ABCA13: variants seen among roughly 807,000 people sequenced by gnomAD.
The protein encoded by ABCA13 is ATP-binding cassette sub-family A member 13.
ABCA13 carries 476 observed loss-of-function variants against 478.7 expected under a neutral mutation model. The ratio of observed to expected loss-of-function variants is 0.99; its 90% CI spans 0.92 to 1.07. ABCA13 has a LOEUF of 1.07. Among genes scored for constraint, ABCA13 ranks in the 50% least tolerant of loss-of-function variants. The pLI, the probability that ABCA13 is intolerant of heterozygous loss-of-function variation, is 0.00. For missense variants in ABCA13, 6,060 were observed against 5,910.6 expected (o/e 1.03, Z -0.83); for synonymous variants, 2,252 against 2,158.9 (o/e 1.04, Z -1.20).
At chr7:48,553,468 T>G (rs1267466258) in intron 55 of ABCA13, among the ~76,000 whole-genome samples, 1 of 152,020 alleles carries the variant, frequency 6.6e-6, no homozygotes, top group African/African-American at 2.4e-5. Flanking sequence ...CTCTCTAGCA[T>G]TTGTTGCTTG....
At chr7:48,293,192 G>GCCCCCCCCCCCCCCCCCCCCCC (rs367570188) in intron 20 of ABCA13, among the ~76,000 whole-genome samples, 1 of 108,280 alleles carries the variant, frequency 9.2e-6, no homozygotes, top group African/African-American at 3.0e-5. Context: ...GAAGTCTTCA[G>GCCCCCCCCCCCCCCCCCCCCCC]CCCCCCCCCC....
intron 58 of ABCA13, among the ~76,000 whole-genome samples, chr7:48,607,712 A>T (rs1392159151): frequency 6.6e-6 from 1 of 152,012 alleles, no homozygotes; most frequent in Non-Finnish European, 1.5e-5. Context: ...CATTTTAGAT[A>T]ATTGTAGCAG....
intron 43 of ABCA13, among the ~76,000 whole-genome samples, chr7:48,457,086 C>A (rs1825757429): frequency 6.6e-6 from 1 of 152,008 alleles, no homozygotes; most frequent in African/African-American, 2.4e-5. Flanking sequence ...ATAATTAGAA[C>A]AAACCAAAAC....
chr7:48,255,481 C>A (rs976560232), intron 15 of ABCA13, among the ~76,000 whole-genome samples: 1 of 152,098 alleles, frequency 6.6e-6, no homozygotes, highest in Non-Finnish European at 1.5e-5. Flanking sequence ...ATCTTTAGCT[C>A]CCAATTTCTA....
chr7:48,212,213 T>C (rs994102269), intron 3 of ABCA13, among the ~76,000 whole-genome samples: 3 of 152,082 alleles, frequency 2.0e-5, no homozygotes, highest in Admixed American at 6.5e-5. Context: ...TTGCATTCTA[T>C]TGTGATAGGG....
intron 45 of ABCA13, among the ~76,000 whole-genome samples, chr7:48,476,692 G>C (rs559629499): frequency 6.6e-6 from 1 of 152,244 alleles, no homozygotes; most frequent in Non-Finnish European, 1.5e-5. Flanking sequence ...AATGGGTTCT[G>C]GCCTTGAAGT....
chr7:48,330,891 G>A (rs1051678327), intron 27 of ABCA13, among the ~76,000 whole-genome samples: 3 of 152,168 alleles, frequency 2.0e-5, no homozygotes, highest in African/African-American at 4.8e-5. Flanking sequence ...GAGGGGAATC[G>A]GGGGATGCTG....
chr7:48,304,571 C>A (rs1308676637), intron 23 of ABCA13, among the ~76,000 whole-genome samples: 1 of 151,668 alleles, frequency 6.6e-6, no homozygotes, highest in African/African-American at 2.4e-5. Context: ...CTCTAATGAT[C>A]AGCGATGGAA....
chr7:48,573,823 C>T (rs1787907746), intron 55 of ABCA13, among the ~76,000 whole-genome samples: 2 of 152,162 alleles, frequency 1.3e-5, no homozygotes, highest in East Asian at 1.9e-4. Flanking sequence ...GAGGCTTGAA[C>T]TCCGAGATCA....
intron 14 of ABCA13, among the ~76,000 whole-genome samples, chr7:48,248,963 CCTT>C (rs1245253960): frequency 2.6e-5 from 4 of 151,506 alleles, no homozygotes; most frequent in Non-Finnish European, 4.4e-5. Context: ...CTTTTTTTGT[CCTT>C]CTTGATTTAT....
chr7:48,223,141 C>T (rs1020949463), intron 5 of ABCA13, among the ~76,000 whole-genome samples: 7 of 151,762 alleles, frequency 4.6e-5, no homozygotes, highest in Admixed American at 2.6e-4. Flanking sequence ...AATGGAGTGG[C>T]CATTTACTGA....
chr7:48,230,461 C>T (rs149649444), intron 7 of ABCA13, among the ~76,000 whole-genome samples: 68 of 152,240 alleles, frequency 4.5e-4, no homozygotes, highest in African/African-American at 1.6e-3. Context: ...CCTGAATTAC[C>T]AACTGAGTCT....
chr7:48,512,183 G>A (rs986187523), intron 51 of ABCA13, among the ~76,000 whole-genome samples: 4 of 151,974 alleles, frequency 2.6e-5, no homozygotes, highest in Non-Finnish European at 2.9e-5. Context: ...ACTTTTGGGG[G>A]AACATTGATA....
intron 2 of ABCA13, among the ~76,000 whole-genome samples, chr7:48,195,970 G>A (rs1379243660): frequency 6.6e-6 from 1 of 152,082 alleles, no homozygotes; most frequent in Non-Finnish European, 1.5e-5. Context: ...GTGAAAAAAG[G>A]GAAGGTAAGT....
At chr7:48,521,376 T>C (rs1296429565) in intron 53 of ABCA13, among the ~76,000 whole-genome samples, 2 of 152,238 alleles carry the variant, frequency 1.3e-5, no homozygotes, top group Non-Finnish European at 2.9e-5. Context: ...TAATTTATGG[T>C]GATCTCTTCA....
At chr7:48,417,585 T>A (rs1428330169) in intron 41 of ABCA13, among the ~76,000 whole-genome samples, 1 of 152,196 alleles carries the variant, frequency 6.6e-6, no homozygotes, top group African/African-American at 2.4e-5. Flanking sequence ...GCACAAATTG[T>A]GCATTCTGTG....
At chr7:48,514,186 T>C (rs757519376) in intron 51 of ABCA13, among the ~76,000 whole-genome samples, 10 of 151,634 alleles carry the variant, frequency 6.6e-5, no homozygotes, top group Non-Finnish European at 1.5e-4. Context: ...TTGCTGGATG[T>C]GGAGATGCTG....
intron 55 of ABCA13, among the ~76,000 whole-genome samples, chr7:48,529,564 T>C (rs1173916828): frequency 2.6e-5 from 4 of 152,206 alleles, no homozygotes; most frequent in Non-Finnish European, 5.9e-5. Context: ...CGCAGAGATA[T>C]TTATTTTTAA....
chr7:48,596,555 A>T (rs368137327), intron 58 of ABCA13, among the ~76,000 whole-genome samples: 2 of 152,200 alleles, frequency 1.3e-5, no homozygotes, highest in South Asian at 4.1e-4. Flanking sequence ...TCATGCCTGT[A>T]ATCCCAGCAC....
Sources: gnomAD v4.1 joint callset for allele counts (sites outside exome capture counted in the v4.1 genomes callset) on GRCh38, gnomAD v4.1.1 for gene constraint, MANE v1.5 for transcripts, NCBI Gene and HGNC (gene_info 2026-07-23, HGNC 2026-07-21) for gene names.